Variants in DOCK3 observed in about 807,000 individuals in gnomAD.
DOCK3 encodes the protein dedicator of cytokinesis protein 3.
A neutral mutation model predicts 265.6 loss-of-function variants in DOCK3; 60 were observed. That is an observed-to-expected ratio of 0.23 (90% CI 0.18 to 0.28). The LOEUF is 0.28. Ranked by LOEUF, DOCK3 falls within the 10% of genes least tolerant of loss-of-function variation. The pLI, the probability that DOCK3 is intolerant of heterozygous loss-of-function variation, is 1.00. For missense variants in DOCK3, 1,981 were observed against 2,594.3 expected (o/e 0.76, Z 5.14); for synonymous variants, 881 against 938.0 (o/e 0.94, Z 1.11).
chr3:51,179,303 G>C (rs1284989443), intron 12 of DOCK3, among the ~76,000 whole-genome samples: 1 of 152,202 alleles, frequency 6.6e-6, no homozygotes, highest in Admixed American at 6.5e-5. Flanking sequence ...GTCATCCAAA[G>C]GTGGAATACC....
Position 51,381,187 on chromosome 3 carries a change from C to T in DOCK3, c.5721C>T (p.Ala1907=). The T allele has an allele frequency of 6.2e-7, 1 of 1,613,886 alleles. No individual in the cohort carries two copies. The highest frequency in any genetic ancestry group is 8.5e-7 in the Non-Finnish European group (1 of 1,179,876). Residue 1907 remains alanine, a synonymous_variant, in exon 53 of 53, where the codon GCC becomes GCT. Transcript: ENST00000266037. The surrounding 1 kb of genome is among the most constrained non-coding windows in gnomAD (Gnocchi z 5.6). ...GTAACTTTGGGCACTCCTCGGAGGC[C>T]CCACCTCGCACTGACACCATGGACT... ...SESNFGHSSE[A]PPRTDTMDSM... is the part of the protein sequence containing the mutation.
At chr3:51,364,905 G>C (rs1490729668) in intron 49 of DOCK3, among the ~76,000 whole-genome samples, 1 of 152,216 alleles carries the variant, frequency 6.6e-6, no homozygotes, top group African/African-American at 2.4e-5. Flanking sequence ...ATAGTTTGAA[G>C]CCAGATAGTA....
chr3:50,821,886 C>T (rs1576545470), intron 2 of DOCK3, among the ~76,000 whole-genome samples: 4 of 152,092 alleles, frequency 2.6e-5, no homozygotes. Flanking sequence ...GTTTTTGTAC[C>T]AGTACCATGC....
intron 6 of DOCK3, among the ~76,000 whole-genome samples, chr3:51,065,578 C>A (rs985235788): frequency 6.6e-6 from 1 of 152,092 alleles, no homozygotes; most frequent in African/African-American, 2.4e-5. Context: ...ACAGTCTACC[C>A]CAATCAATGA....
At chr3:50,865,148 C>T (rs1375530103) in intron 3 of DOCK3, among the ~76,000 whole-genome samples, 1 of 152,160 alleles carries the variant, frequency 6.6e-6, no homozygotes, top group Non-Finnish European at 1.5e-5. Context: ...GTGTTACCAA[C>T]AGTCTAATTA....
At chr3:50,994,849 G>A (rs1008898919) in intron 5 of DOCK3, among the ~76,000 whole-genome samples, 1 of 152,126 alleles carries the variant, frequency 6.6e-6, no homozygotes, top group Non-Finnish European at 1.5e-5. Context: ...ACAGTGCCTG[G>A]AGCACTCTAA....
chr3:50,680,558 A>C (rs1576064015), intron 1 of DOCK3, among the ~76,000 whole-genome samples: 5 of 121,594 alleles, frequency 4.1e-5, no homozygotes, highest in Admixed American at 1.0e-4. Flanking sequence ...TTGCTATGTC[A>C]CCCAGGCTTG....
At chr3:51,237,671 A>T in intron 21 of DOCK3, 81 bp downstream of exon 21, 1 of 1,248,266 alleles carries the variant, frequency 8.0e-7, no homozygotes, top group East Asian at 2.5e-5. Context: ...TGCAACCAGC[A>T]TTTAAAAAGT....
At chr3:51,320,238 G>A (rs1576788514) in intron 32 of DOCK3, among the ~76,000 whole-genome samples, 1 of 152,244 alleles carries the variant, frequency 6.6e-6, no homozygotes, top group Admixed American at 6.5e-5. Flanking sequence ...CCCTTCCCTA[G>A]CCAAGAGAAG....
At chr3:50,848,338 G>A (rs528048015) in intron 3 of DOCK3, among the ~76,000 whole-genome samples, 23 of 152,256 alleles carry the variant, frequency 1.5e-4, no homozygotes, top group South Asian at 1.0e-3. Context: ...TGATCCTATC[G>A]TGAAGTTGTT....
chr3:50,964,233 C>G (rs560763364), intron 5 of DOCK3, among the ~76,000 whole-genome samples: 26 of 152,074 alleles, frequency 1.7e-4, no homozygotes, highest in Non-Finnish European at 3.2e-4. Flanking sequence ...TAACTGCATA[C>G]CAGAATAAAA....
At chr3:51,174,393 C>T (rs1226340966) in intron 12 of DOCK3, among the ~76,000 whole-genome samples, 1 of 152,174 alleles carries the variant, frequency 6.6e-6, no homozygotes, top group Non-Finnish European at 1.5e-5. Flanking sequence ...CACTTGAACG[C>T]AGGAGGCGAA....
intron 49 of DOCK3, among the ~76,000 whole-genome samples, chr3:51,367,251 C>T (rs1221757146): frequency 6.6e-6 from 1 of 152,142 alleles, no homozygotes. Context: ...TAATGGCCTT[C>T]TTTATCTCTT....
At chr3:50,849,093 G>A (rs374211839) in intron 3 of DOCK3, among the ~76,000 whole-genome samples, 4 of 151,940 alleles carry the variant, frequency 2.6e-5, no homozygotes, top group Admixed American at 2.6e-4. Context: ...AGAGTACAGT[G>A]GTGTGATCAT....
chr3:50,920,287 C>CT (rs1451148425), intron 4 of DOCK3, among the ~76,000 whole-genome samples: 2 of 152,172 alleles, frequency 1.3e-5, no homozygotes, highest in East Asian at 3.8e-4. Flanking sequence ...AGGATTCCAT[C>CT]TTTTTCTGTT....
At chr3:50,850,230 C>G (rs2046296611) in intron 3 of DOCK3, among the ~76,000 whole-genome samples, 1 of 151,500 alleles carries the variant, frequency 6.6e-6, no homozygotes, top group African/African-American at 2.4e-5. Flanking sequence ...CATGGTGGCA[C>G]GTGCCTGTAG....
At chr3:50,984,885 T>G (rs2077837220) in intron 5 of DOCK3, among the ~76,000 whole-genome samples, 1 of 152,224 alleles carries the variant, frequency 6.6e-6, no homozygotes, top group Non-Finnish European at 1.5e-5. Context: ...ATATTGTAAG[T>G]AACCTAGAGA....
intron 49 of DOCK3, among the ~76,000 whole-genome samples, chr3:51,369,243 T>A (rs1372976518): frequency 6.6e-6 from 1 of 152,162 alleles, no homozygotes; most frequent in Non-Finnish European, 1.5e-5. Flanking sequence ...GACAAACTTA[T>A]CCGAGCTAAA....
chr3:50,688,206 G>T (rs2034969869), intron 1 of DOCK3, among the ~76,000 whole-genome samples: 1 of 152,154 alleles, frequency 6.6e-6, no homozygotes, highest in South Asian at 2.1e-4. Flanking sequence ...TGTGTCTCAA[G>T]TGCAGACACA....
Sources: allele counts gnomAD v4.1 joint callset (sites outside exome capture counted in the v4.1 genomes callset), GRCh38; gene constraint gnomAD v4.1.1; non-coding constraint Gnocchi (gnomAD v3.1); transcripts MANE v1.5; gene names NCBI Gene and HGNC (gene_info 2026-07-23, HGNC 2026-07-21).